The following ROCK2 variants were observed in gnomAD, a reference collection of about 807,000 sequenced individuals.
ROCK2 encodes the protein Rho associated coiled-coil containing protein kinase 2.
ROCK2 carries 61 observed loss-of-function variants against 195.1 expected under a neutral mutation model. The observed-to-expected ratio is 0.31, with a 90% CI of 0.25 to 0.39. ROCK2 has a LOEUF of 0.39. Ranked by LOEUF, ROCK2 falls within the 10% of genes least tolerant of loss-of-function variation. ROCK2 has a pLI of 1.00. For missense variants in ROCK2, 1,109 were observed against 1,637.4 expected, an observed-to-expected ratio of 0.68 and a Z score of 5.57; for synonymous variants, 504 against 545.5, an observed-to-expected ratio of 0.92 and a Z score of 1.06.
intron 3 of ROCK2, among the ~76,000 whole-genome samples, chr2:11,264,476 A>G (rs1666346332): frequency 6.6e-6 from 1 of 152,222 alleles, no homozygotes; most frequent in Admixed American, 6.5e-5. Context: ...TACGATCAGA[A>G]AGAGAAGGAA....
chr2:11,307,801 T>C (rs1667905624), intron 1 of ROCK2, among the ~76,000 whole-genome samples: 1 of 152,176 alleles, frequency 6.6e-6, no homozygotes, highest in African/African-American at 2.4e-5. Flanking sequence ...GTTGCATATG[T>C]ACTGAACATA....
intron 3 of ROCK2, among the ~76,000 whole-genome samples, chr2:11,273,958 AACT>A (rs1459707945): frequency 6.6e-6 from 1 of 151,832 alleles, no homozygotes; most frequent in Non-Finnish European, 1.5e-5. Context: ...TCGATAAAAT[AACT>A]ACAATGAGAA....
intron 3 of ROCK2, among the ~76,000 whole-genome samples, chr2:11,261,914 T>C (rs112391928): frequency 6.6e-6 from 1 of 152,184 alleles, no homozygotes. Context: ...TGTGGCCAAT[T>C]TATCTAATCT....
rs532522953 is a variant in ROCK2, at chr2:11,296,863, C to G, written c.142-9127G>C. Among the ~76,000 whole-genome samples the G allele has an allele frequency of 2.6e-5, 4 of 151,788 alleles. No homozygotes were observed. The South Asian group carries it at 8.3e-4, about 31-fold the overall frequency. ...TGCCAAATGAAACAAAGGTTAGGTA[C>G]TAGTCACTGTAACTCCTTTTGTTAT... On this transcript the variant is annotated intron_variant, in intron 1 of 32. Transcript: ENST00000315872.
rs563322972 is a variant in ROCK2, at chr2:11,288,053, G to A, written c.142-317C>T. 6.6e-5 allele frequency among the ~76,000 whole-genome samples: 10 copies of A among 152,202 alleles called. No individual in the cohort carries two copies. The East Asian group carries it at 1.9e-3, about 29-fold the overall frequency. On this transcript the variant is annotated intron_variant, in intron 1 of 32. Transcript: ENST00000315872. The stretch of plus-strand genomic sequence containing the variant: ...CTCTTCAAATGGCCAAATTTCATCA[G>A]GTTTTGACTTCAAGAAATACAGCTA...
In ROCK2 at chr2:11,216,507, CTTTT is replaced by C. The variant is rs1226828453; in HGVS notation, c.1413-305_1413-302del. Among the ~76,000 whole-genome samples the C allele has an allele frequency of 4.1e-4, 60 of 144,762 alleles. 3 individuals are homozygous for C. Among genetic ancestry groups the C allele is most frequent in the African/African-American group, 7.7e-5 (3 of 38,828 alleles). The allele number at this position is 144,762 out of a possible 152,430, so 95.0% of individuals were successfully genotyped here. A position where few individuals can be genotyped will look rare whatever the true frequency, so the allele number is the denominator to read the frequency against. ...GCCGTAGCTCTCCATTTCTTTCTTTCTTTTTTCTTTTTTTTTTTTTTGAGACAGA... is the reference window on the plus strand; with the variant it reads ...GCCGTAGCTCTCCATTTCTTTCTTTCTTCTTTTTTTTTTTTTTGAGACAGA... On this transcript the variant is annotated intron_variant, in intron 12 of 32. Transcript: ENST00000315872.
rs1165129215 is a variant in ROCK2 at position 11,201,625 on chromosome 2, A to G, written c.2620-212T>C. 6.6e-6 allele frequency among the ~76,000 whole-genome samples: 1 copy of G among 152,240 alleles called. No individual in the cohort carries two copies. The highest frequency in any genetic ancestry group is 2.4e-5 in the African/African-American group (1 of 41,468). The stretch of plus-strand genomic sequence containing the variant: ...GTAATAATTAAGAAGCATGATTTTC[A>G]ACTGGATATCACAGTGATATTTCTC... On this transcript the variant is annotated intron_variant, in intron 21 of 32. Transcript: ENST00000315872. The surrounding 1 kb of genome is among the most constrained non-coding windows in gnomAD (Gnocchi z 4.6).
chr2:11,195,349 C>T (rs77162329), intron 27 of ROCK2: 11,671 of 165,072 alleles, frequency 0.071, 638 homozygotes, highest in African/African-American at 0.15. Flanking sequence ...AGCAGCAACT[C>T]TCTATTCTCA....
intron 32 of ROCK2, among the ~76,000 whole-genome samples, chr2:11,191,497 T>A (rs1340988834): frequency 6.6e-6 from 1 of 152,176 alleles, no homozygotes; most frequent in East Asian, 1.9e-4. Flanking sequence ...AATTTATAGA[T>A]TTGATTTAAA....
At position 11,224,438 on chromosome 2, in the gene ROCK2, A is replaced by C. The variant is rs1664744881; in HGVS notation, c.891T>G (p.Asp297Glu). 6 of 1,612,110 alleles carry C rather than the reference A, an allele frequency of 3.7e-6. No individual in the cohort carries two copies. The highest frequency in any genetic ancestry group is 4.2e-6 in the Non-Finnish European group (5 of 1,179,078). ...MLVGDTPFYA[D>E]SLVGTYSKIM... ...TTTTGCTATATGTTCCTACAAGTGAATCCGCATAAAATGGAGTATCCCCTA... is the reference window on the plus strand; with the variant it reads ...TTTTGCTATATGTTCCTACAAGTGACTCCGCATAAAATGGAGTATCCCCTA... Residue 297 changes from aspartate (D) to glutamate (E), a missense_variant, in exon 7 of 33, where the codon GAT (aspartate) becomes GAG (glutamate). Asp to Glu is a conservative substitution (Grantham distance 45). Transcript: ENST00000315872.
At chr2:11,233,278 T>C (rs1211880041) in intron 5 of ROCK2, among the ~76,000 whole-genome samples, 2 of 152,150 alleles carry the variant, frequency 1.3e-5, no homozygotes, top group East Asian at 3.8e-4. Context: ...TTGGCAACCT[T>C]AGTCCAATAA....
chr2:11,258,472 C>A (rs1199315645), intron 3 of ROCK2, among the ~76,000 whole-genome samples: 4 of 151,328 alleles, frequency 2.6e-5, no homozygotes, highest in African/African-American at 9.8e-5. Context: ...CCATATTATT[C>A]GTGAATCCCA....
chr2:11,205,688 A>G (rs944267458), intron 20 of ROCK2, among the ~76,000 whole-genome samples: 4 of 151,178 alleles, frequency 2.6e-5, no homozygotes, highest in African/African-American at 9.7e-5. Flanking sequence ...TAAACTTCTC[A>G]TGGGTAGGAA....
chr2:11,337,514 G>A (rs1325465979), intron 1 of ROCK2, among the ~76,000 whole-genome samples: 1 of 152,194 alleles, frequency 6.6e-6, no homozygotes, highest in Non-Finnish European at 1.5e-5. Flanking sequence ...TGCAAATCAT[G>A]CAAATCGAAA....
At chr2:11,296,039 A>AGAGAGAGAGAGAGAGAGAGAGAGAGG in intron 1 of ROCK2, among the ~76,000 whole-genome samples, 1 of 149,480 alleles carries the variant, frequency 6.7e-6, no homozygotes, top group Non-Finnish European at 1.5e-5. Flanking sequence ...AGAGAGAGAG[A>AGAGAGAGAGAGAGAGAGAGAGAGAGG]GAGAGAGAGA....
intron 3 of ROCK2, among the ~76,000 whole-genome samples, chr2:11,253,701 C>G (rs1665916136): frequency 6.6e-6 from 1 of 152,250 alleles, no homozygotes; most frequent in South Asian, 2.1e-4. Flanking sequence ...CAGGCACTCA[C>G]TAAATATTTA....
intron 7 of ROCK2, among the ~76,000 whole-genome samples, chr2:11,222,648 A>T (rs1164064002): frequency 6.6e-6 from 1 of 152,188 alleles, no homozygotes; most frequent in Non-Finnish European, 1.5e-5. Flanking sequence ...CTGGTAAAGT[A>T]TATCTCTACA....
intron 3 of ROCK2, among the ~76,000 whole-genome samples, chr2:11,264,184 T>C (rs918652137): frequency 6.6e-6 from 1 of 152,122 alleles, no homozygotes; most frequent in Non-Finnish European, 1.5e-5. Flanking sequence ...ACACTGTCTT[T>C]ATCAGCACTT....
At chr2:11,216,484 C>T (rs1349348082) in intron 12 of ROCK2, among the ~76,000 whole-genome samples, 5 of 149,038 alleles carry the variant, frequency 3.4e-5, no homozygotes, top group Non-Finnish European at 7.4e-5. Context: ...CGCACCCGGC[C>T]GTAGCTCTCC....
Sources: gnomAD v4.1 joint callset for allele counts (sites outside exome capture counted in the v4.1 genomes callset) on GRCh38, gnomAD v4.1.1 for gene constraint, Gnocchi (gnomAD v3.1) non-coding constraint, MANE v1.5 for transcripts, NCBI Gene and HGNC (gene_info 2026-07-23, HGNC 2026-07-21) for gene names.